CEACAM5: variants seen among roughly 807,000 people sequenced by gnomAD.
CEACAM5 encodes the protein cell adhesion molecule CEACAM5.
CEACAM5 carries 52 observed loss-of-function variants against 63.0 expected under a neutral mutation model. That is an observed-to-expected ratio of 0.83 (90% CI 0.66 to 1.04). CEACAM5 has a LOEUF of 1.04. Ranked by LOEUF, CEACAM5 falls within the 50% of genes least tolerant of loss-of-function variation. The probability of loss-of-function intolerance (pLI) is 0.00; values close to 1 mark genes in which losing one functional copy is unlikely to be tolerated. For synonymous variants in CEACAM5, 357 were observed against 351.3 expected, an observed-to-expected ratio of 1.02 and a Z score of -0.18; for missense variants, 790 against 864.8, an observed-to-expected ratio of 0.91 and a Z score of 1.08.
intron 8 of CEACAM5, among the ~76,000 whole-genome samples, chr19:41,722,886 CTTTT>C (rs1168806853): frequency 4.6e-5 from 7 of 150,906 alleles, no homozygotes; most frequent in African/African-American, 1.7e-4. Context: ...AATGTTAATT[CTTTT>C]TTTTGTTTGT....
In CEACAM5 at chr19:41,721,474, A is replaced by G. The variant is rs576383422; in HGVS notation, c.2026+298A>G. ...AGTCCAGAAGAAAGAAGGGTCCTTA[A>G]GGTCGAGTTGCTCCTCTCTATCACC... On this transcript the variant is annotated intron_variant, in intron 8 of 9. Transcript: ENST00000221992. Among the ~76,000 whole-genome samples the G allele has an allele frequency of 2.0e-5, 3 of 152,378 alleles. No homozygotes were observed. The East Asian group carries it at 5.8e-4, about 29-fold the overall frequency.
rs781788150 is a variant in CEACAM5, at chr19:41,715,821, A to C, written c.875A>C (p.Asn292Thr). 39 of 1,614,070 alleles carry C rather than the reference A, an allele frequency of 2.4e-5. No homozygotes were observed. The highest frequency in any genetic ancestry group is 3.1e-5 in the Non-Finnish European group (36 of 1,180,014). Residue 292 changes from asparagine to threonine, a missense_variant, in exon 4 of 10, where the codon AAT becomes ACT. Physicochemically the swap from Asn to Thr is moderately conservative, Grantham distance 65. Transcript: ENST00000221992. ...CTCTTTATCCCCAACATCACTGTGA[A>C]TAATAGTGGATCCTATACGTGCCAA... ...QELFIPNITVNNSGSYTCQAH... is the reference protein window; with the variant it reads ...QELFIPNITVTNSGSYTCQAH...
In CEACAM5 at chr19:41,708,640, C is replaced by A; in HGVS notation, c.-92C>A. 1.8e-6 allele frequency: 2 copies of A among 1,127,016 alleles called. No homozygotes were observed. The highest frequency in any genetic ancestry group is 2.6e-6 in the Non-Finnish European group (2 of 757,360). The allele number at this position is 1,127,016 out of a possible 1,614,324, so 69.8% of individuals were successfully genotyped here. On this transcript the variant is annotated 5_prime_UTR_variant, in exon 1 of 10. Transcript: ENST00000221992. ...AGACTCAGGGCAGAGGGAGGAAGGA[C>A]AGCAGACCAGACAGTCACAGCAGCC... is the stretch of plus-strand genomic sequence containing the variant.
chr19:41,718,252 C>T lies in CEACAM5; in HGVS notation c.1362C>T (p.Asn454=). Reference sequence around the variant, plus strand: ...AGTATTCTTGGCTGATTGATGGGAACATCCAGCAACACACACAAGAGCTCT... The same window carrying T: ...AGTATTCTTGGCTGATTGATGGGAATATCCAGCAACACACACAAGAGCTCT... ...PAQYSWLIDG[N]IQQHTQELFI... Residue 454 remains asparagine, a synonymous_variant, in exon 6 of 10, where the codon AAC becomes AAT. Transcript: ENST00000221992. 1.9e-6 allele frequency: 3 copies of T among 1,614,248 alleles called. No individual in the cohort carries two copies. The highest frequency in any genetic ancestry group is 1.6e-4 in the Middle Eastern group (1 of 6,062).
rs139002406 is a variant in CEACAM5 at position 41,724,917 on chromosome 19, A to G, written c.2027-2317A>G. Among the ~76,000 whole-genome samples, 39 of 152,204 alleles carry G rather than the reference A, an allele frequency of 2.6e-4. No individual in the cohort carries two copies. The East Asian group carries it at 6.7e-3, about 26-fold the overall frequency. ...TCCAAGTTATCTGAAAACACAGATC[A>G]TTTTACTTCTTTCCAATTTGGATGT... is the stretch of plus-strand genomic sequence containing the variant. On this transcript the variant is annotated intron_variant, in intron 8 of 9. Transcript: ENST00000221992.
chr19:41,712,466 C>T (rs1334675447), intron 2 of CEACAM5, among the ~76,000 whole-genome samples: 2 of 152,232 alleles, frequency 1.3e-5, no homozygotes, highest in Admixed American at 6.5e-5. Flanking sequence ...TTTGAGGCTT[C>T]TCCTCTTTTT....
intron 2 of CEACAM5, among the ~76,000 whole-genome samples, chr19:41,712,861 T>C (rs2072457662): frequency 6.6e-6 from 1 of 152,222 alleles, no homozygotes; most frequent in South Asian, 2.1e-4. Flanking sequence ...TTTTTAACTA[T>C]AGTCAGAAAA....
chr19:41,713,183 C>T (rs2072464271), intron 2 of CEACAM5, among the ~76,000 whole-genome samples: 1 of 152,074 alleles, frequency 6.6e-6, no homozygotes, highest in Non-Finnish European at 1.5e-5. Context: ...CATGCACCTA[C>T]AGTCTCAGCT....
intron 1 of CEACAM5, among the ~76,000 whole-genome samples, chr19:41,709,324 T>C (rs538875906): frequency 2.0e-4 from 31 of 152,012 alleles, no homozygotes; most frequent in Admixed American, 1.0e-3. Flanking sequence ...CTGGAGGGAA[T>C]AGAGCAGGGA....
intron 6 of CEACAM5, among the ~76,000 whole-genome samples, chr19:41,718,885 G>A (rs1386794836): frequency 1.3e-5 from 2 of 152,246 alleles, no homozygotes; most frequent in African/African-American, 2.4e-5. Context: ...CCAGTGACTG[G>A]CCCTGCCCTG....
chr19:41,713,571 A>G (rs1421738019), intron 2 of CEACAM5, among the ~76,000 whole-genome samples: 1 of 151,814 alleles, frequency 6.6e-6, no homozygotes, highest in Non-Finnish European at 1.5e-5. Context: ...CCCATGAACA[A>G]CTCTCCATTC....
At chr19:41,715,495 A>C (rs2072510572) in intron 3 of CEACAM5, 155 bp from the exon 4 acceptor site, 9 of 1,166,848 alleles carry the variant, frequency 7.7e-6, no homozygotes, top group Non-Finnish European at 1.1e-5. Context: ...AAACAGGTGA[A>C]TATCTCAGAC....
In CEACAM5 at chr19:41,715,063, G is replaced by A. The variant is rs368142383; in HGVS notation, c.517G>A (p.Asp173Asn). Residue 173 changes from aspartate (D) to asparagine (N), a missense_variant, in exon 3 of 10, where the codon GAC becomes AAC. By Grantham distance (23) the Asp-to-Asn change is conservative. Transcript: ENST00000221992. ...VAFTCEPETQ[D>N]ATYLWWVNNQ... is the part of the protein sequence containing the mutation. ...CTTCACCTGTGAACCTGAGACTCAG[G>A]ACGCAACCTACCTGTGGTGGGTAAA... 7 of 1,614,206 alleles carry A rather than the reference G, an allele frequency of 4.3e-6. No homozygotes were observed. The highest frequency in any genetic ancestry group is 2.2e-5 in the East Asian group (1 of 44,886).
chr19:41,724,969 G>A (rs1230654667), intron 8 of CEACAM5, among the ~76,000 whole-genome samples: 1 of 151,642 alleles, frequency 6.6e-6, no homozygotes, highest in Non-Finnish European at 1.5e-5. Context: ...TAATTTCTCT[G>A]GCTAGGACTT....
intron 6 of CEACAM5, among the ~76,000 whole-genome samples, chr19:41,719,285 A>G (rs529215621): frequency 1.3e-5 from 2 of 152,346 alleles, no homozygotes; most frequent in South Asian, 4.1e-4. Context: ...CTATGTATGC[A>G]GTTTAGTAGC....
At chr19:41,725,794 A>G (rs1431122629) in intron 8 of CEACAM5, among the ~76,000 whole-genome samples, 1 of 151,962 alleles carries the variant, frequency 6.6e-6, no homozygotes, top group Non-Finnish European at 1.5e-5. Flanking sequence ...GATTCCTTCT[A>G]TTGTTTTTCA....
Position 41,717,634 on chromosome 19 carries a change from C to A in CEACAM5, c.1138C>A (p.Leu380Ile), listed in dbSNP as rs1555815287. ...GTCCAATGACAACAGGACCCTCACT[C>A]TACTCAGTGTCACAAGGAATGATGT... is the stretch of plus-strand genomic sequence containing the variant. ...QLSNDNRTLT[L>I]LSVTRNDVGP... Residue 380 changes from leucine (L) to isoleucine (I), a missense_variant, in exon 5 of 10, where the codon CTA becomes ATA. Coordinates refer to ENST00000221992, the MANE Select transcript of CEACAM5 (RefSeq NM_004363.6). The A allele has an allele frequency of 1.2e-6, 2 of 1,614,098 alleles. No individual in the cohort carries two copies. The highest frequency in any genetic ancestry group is 2.2e-5 in the East Asian group (1 of 44,902).
intron 2 of CEACAM5, 90 bp downstream of exon 2, chr19:41,710,129 C>T: frequency 2.0e-6 from 3 of 1,526,994 alleles, no homozygotes; most frequent in Non-Finnish European, 2.7e-6. Flanking sequence ...GCCTGTGGCC[C>T]CCTCTGCATT....
intron 4 of CEACAM5, 124 bp from the exon 5 acceptor site, chr19:41,717,331 C>CA: frequency 9.7e-7 from 1 of 1,032,492 alleles, no homozygotes; most frequent in Non-Finnish European, 1.4e-6. Context: ...GCACACACAC[C>CA]TGCCATGAGC....
Sources: gnomAD v4.1 joint callset for allele counts (sites outside exome capture counted in the v4.1 genomes callset) on GRCh38, gnomAD v4.1.1 for gene constraint, MANE v1.5 for transcripts, NCBI Gene and HGNC (gene_info 2026-07-23, HGNC 2026-07-21) for gene names.